GRM8: variants seen among roughly 807,000 people sequenced by gnomAD.
The protein encoded by GRM8 is metabotropic glutamate receptor 8.
GRM8 carries 47 observed loss-of-function variants against 87.2 expected under a neutral mutation model. The observed-to-expected ratio is 0.54, with a 90% confidence interval of 0.43 to 0.69. The LOEUF (loss-of-function observed/expected upper bound fraction) is 0.69. Among genes scored for constraint, GRM8 ranks in the 30% least tolerant of loss-of-function variants. The pLI is 0.00. For synonymous variants in GRM8, 396 were observed against 404.5 expected (o/e 0.98, Z 0.25); for missense variants, 1,019 against 1,139.2 (o/e 0.89, Z 1.52).
intron 2 of GRM8, among the ~76,000 whole-genome samples, chr7:127,220,620 G>C (rs886686516): frequency 6.6e-6 from 1 of 151,906 alleles, no homozygotes; most frequent in Non-Finnish European, 1.5e-5. Context: ...AAGTAGCTGG[G>C]ACTATAGGTG....
intron 2 of GRM8, among the ~76,000 whole-genome samples, chr7:127,137,853 T>C (rs1206640032): frequency 6.6e-6 from 1 of 152,194 alleles, no homozygotes; most frequent in Admixed American, 6.5e-5. Context: ...TTACTGTCCT[T>C]TGTGAAAAAG....
At chr7:126,521,935 T>A (rs1306408110) in intron 9 of GRM8, among the ~76,000 whole-genome samples, 1 of 152,194 alleles carries the variant, frequency 6.6e-6, no homozygotes, top group Non-Finnish European at 1.5e-5. Flanking sequence ...TCATGCTGTG[T>A]ATCTTTACTT....
intron 3 of GRM8, among the ~76,000 whole-genome samples, chr7:127,102,225 G>A (rs914546624): frequency 3.3e-5 from 5 of 152,148 alleles, no homozygotes; most frequent in African/African-American, 9.7e-5. Context: ...TATTTAAAAG[G>A]GAAGCAGGGT....
chr7:126,920,686 G>A (rs1419359035), intron 3 of GRM8, among the ~76,000 whole-genome samples: 3 of 152,126 alleles, frequency 2.0e-5, no homozygotes, highest in Admixed American at 1.3e-4. Context: ...ATTTTCTATA[G>A]AGGATGAACT....
intron 7 of GRM8, among the ~76,000 whole-genome samples, chr7:126,699,075 T>A (rs968981895): frequency 6.6e-6 from 1 of 152,256 alleles, no homozygotes; most frequent in Non-Finnish European, 1.5e-5. Context: ...AGTTTAGCAA[T>A]CACTAGACCC....
intron 7 of GRM8, among the ~76,000 whole-genome samples, chr7:126,762,380 C>T (rs529981790): frequency 7.3e-5 from 11 of 151,296 alleles, no homozygotes; most frequent in African/African-American, 1.5e-4. Context: ...TGGATGGGCT[C>T]GCAACACAGA....
In GRM8 at chr7:127,051,430, G is replaced by T. The variant is rs567948223; in HGVS notation, c.727+55066C>A. Among the ~76,000 whole-genome samples, 4 of 152,112 alleles carry T rather than the reference G, an allele frequency of 2.6e-5. No homozygotes were observed. In the South Asian group the frequency reaches 8.3e-4, roughly 32 times the overall value. On this transcript the variant is annotated intron_variant, in intron 3 of 10. Coordinates refer to ENST00000339582, the MANE Select transcript of GRM8 (RefSeq NM_000845.3). ...TGATGGCATTTGTACAATACCCCAT[G>T]TTAAGTGGATAAGGCTGCCAGAGGC...
chr7:126,447,386 T>A lies in GRM8; in HGVS notation c.2431-1014A>T, dbSNP rs554617219. The stretch of plus-strand genomic sequence containing the variant: ...ATACTGAGGCCACGGAGAAACCACA[T>A]CTTAAGACTGTAAAGAGATTCTCCC... On this transcript the variant is annotated intron_variant, in intron 9 of 10. Coordinates refer to ENST00000339582, the MANE Select transcript of GRM8 (RefSeq NM_000845.3). Among the ~76,000 whole-genome samples, 187 of 152,014 alleles carry A rather than the reference T, an allele frequency of 1.2e-3. 2 individuals are homozygous for A. In the Middle Eastern group the frequency reaches 0.02, roughly 17 times the overall value.
At chr7:126,617,088 G>A (rs1010162836) in intron 7 of GRM8, among the ~76,000 whole-genome samples, 14 of 152,168 alleles carry the variant, frequency 9.2e-5, no homozygotes, top group Non-Finnish European at 5.9e-5. Flanking sequence ...GACAATTTTA[G>A]ACCAATATCC....
chr7:126,808,735 C>A (rs1793007534), intron 6 of GRM8, among the ~76,000 whole-genome samples: 2 of 152,160 alleles, frequency 1.3e-5, no homozygotes, highest in African/African-American at 2.4e-5. Context: ...ACTTACTTTG[C>A]AAATTAAACT....
chr7:127,246,495 C>A (rs945034357), intron 1 of GRM8, among the ~76,000 whole-genome samples: 1 of 152,194 alleles, frequency 6.6e-6, no homozygotes, highest in Non-Finnish European at 1.5e-5. Context: ...GACAAATCCT[C>A]TCAGCACTAT....
Position 127,082,443 on chromosome 7 carries a change from C to G in GRM8, c.727+24053G>C, listed in dbSNP as rs188503408. Among the ~76,000 whole-genome samples, 1,053 of 152,218 alleles carry G rather than the reference C, an allele frequency of 6.9e-3. 6 individuals are homozygous for G. The highest frequency in any genetic ancestry group is 0.01 in the Non-Finnish European group (695 of 68,010). On this transcript the variant is annotated intron_variant, in intron 3 of 10. Transcript: ENST00000339582. ...ATGATCTTTATTAAGTTATTCATGT[C>G]TCTGGGCCTCAGTTTCTCCCTTCTT...
At chr7:126,772,775 T>C (rs1318075278) in intron 6 of GRM8, among the ~76,000 whole-genome samples, 1 of 152,074 alleles carries the variant, frequency 6.6e-6, no homozygotes, top group Non-Finnish European at 1.5e-5. Flanking sequence ...ATTTCAAAGC[T>C]TCCACCATGT....
intron 3 of GRM8, among the ~76,000 whole-genome samples, chr7:126,991,552 C>T (rs1812657613): frequency 6.6e-6 from 1 of 151,954 alleles, no homozygotes. Context: ...TTAATCTAAA[C>T]CTTTTTAAAA....
chr7:127,236,439 G>A (rs1301202385), intron 2 of GRM8, among the ~76,000 whole-genome samples: 1 of 152,178 alleles, frequency 6.6e-6, no homozygotes, highest in Non-Finnish European at 1.5e-5. Flanking sequence ...CATAATTATG[G>A]CAGAAGGCAA....
intron 10 of GRM8, among the ~76,000 whole-genome samples, chr7:126,444,910 C>T (rs1801843629): frequency 6.6e-6 from 1 of 151,918 alleles, no homozygotes. Flanking sequence ...CTTTTGGAGG[C>T]TTAGGTGGGA....
At chr7:127,025,776 T>C (rs1441822135) in intron 3 of GRM8, among the ~76,000 whole-genome samples, 2 of 152,084 alleles carry the variant, frequency 1.3e-5, no homozygotes, top group African/African-American at 2.4e-5. Context: ...TTCTGAAAAA[T>C]AGAGGAGCTA....
intron 3 of GRM8, among the ~76,000 whole-genome samples, chr7:127,081,638 A>C (rs1239365164): frequency 6.6e-6 from 1 of 152,198 alleles, no homozygotes; most frequent in Non-Finnish European, 1.5e-5. Context: ...GAGGAGGCAG[A>C]GGGAAAAAGG....
At chr7:126,652,054 C>A (rs1803953752) in intron 7 of GRM8, among the ~76,000 whole-genome samples, 1 of 152,222 alleles carries the variant, frequency 6.6e-6, no homozygotes, top group African/African-American at 2.4e-5. Flanking sequence ...GAAACGAGGA[C>A]TGTAATTGTC....
Sources: allele counts gnomAD v4.1 joint callset (sites outside exome capture counted in the v4.1 genomes callset), GRCh38; gene constraint gnomAD v4.1.1; transcripts MANE v1.5; gene names NCBI Gene and HGNC (gene_info 2026-07-23, HGNC 2026-07-21).